GRIA1: variants seen among roughly 807,000 people sequenced by gnomAD.
GRIA1 encodes glutamate ionotropic receptor AMPA type subunit 1.
GRIA1 carries 31 observed loss-of-function variants against 99.2 expected under a neutral mutation model. The observed-to-expected ratio is 0.31, with a 90% confidence interval of 0.23 to 0.42. The LOEUF is 0.42. GRIA1 is among the 10% of genes least tolerant of loss of function. GRIA1 has a pLI of 1.00. For missense variants in GRIA1, 782 were observed against 1,157.5 expected (o/e 0.68, Z 4.71); for synonymous variants, 438 against 432.4 (o/e 1.01, Z -0.16).
intron 15 of GRIA1, among the ~76,000 whole-genome samples, chr5:153,808,652 C>A (rs894841348): frequency 5.9e-5 from 9 of 152,198 alleles, no homozygotes; most frequent in African/African-American, 2.2e-4. Context: ...TTCCCCAAAA[C>A]TCCCTGGATG....
intron 2 of GRIA1, among the ~76,000 whole-genome samples, chr5:153,618,665 G>T (rs974888634): frequency 5.3e-5 from 8 of 152,192 alleles, no homozygotes; most frequent in African/African-American, 1.9e-4. Context: ...CCCTAAGGGA[G>T]TTATAATATG....
At chr5:153,775,806 GGTGGAAGAATT>G (rs1381505706) in intron 13 of GRIA1, among the ~76,000 whole-genome samples, 4 of 149,934 alleles carry the variant, frequency 2.7e-5, no homozygotes, top group Non-Finnish European at 4.4e-5. Context: ...GATTTGCAAT[GGTGGAAGAATT>G]GTGGAAGAAT....
At chr5:153,659,315 A>G (rs545342569) in intron 5 of GRIA1, among the ~76,000 whole-genome samples, 1 of 152,334 alleles carries the variant, frequency 6.6e-6, no homozygotes, top group East Asian at 1.9e-4. Flanking sequence ...AGAGATATGT[A>G]TGTTTATTTC....
At chr5:153,624,950 T>G (rs1041560294) in intron 2 of GRIA1, among the ~76,000 whole-genome samples, 6 of 152,176 alleles carry the variant, frequency 3.9e-5, no homozygotes, top group African/African-American at 1.4e-4. Context: ...TTTTAATACA[T>G]TCAGGACTCA....
intron 2 of GRIA1, among the ~76,000 whole-genome samples, chr5:153,601,578 A>G (rs1764966564): frequency 6.6e-6 from 1 of 152,220 alleles, no homozygotes; most frequent in Non-Finnish European, 1.5e-5. Context: ...CAGAGCGGAA[A>G]ACACCTCTCT....
At chr5:153,724,872 A>G (rs925177286) in intron 11 of GRIA1, among the ~76,000 whole-genome samples, 3 of 152,072 alleles carry the variant, frequency 2.0e-5, no homozygotes, top group African/African-American at 4.8e-5. Context: ...GCAGGCCAAC[A>G]TTCAGATTCA....
intron 2 of GRIA1, among the ~76,000 whole-genome samples, chr5:153,602,733 C>G (rs1410705558): frequency 6.6e-6 from 1 of 152,070 alleles, no homozygotes; most frequent in Non-Finnish European, 1.5e-5. Context: ...GGCTACAGTT[C>G]CCACATCTCT....
intron 11 of GRIA1, among the ~76,000 whole-genome samples, chr5:153,749,232 C>T (rs560783068): frequency 6.6e-6 from 1 of 152,220 alleles, no homozygotes; most frequent in Admixed American, 6.5e-5. Context: ...CGTGTCTGTG[C>T]TAAGTGTGAG....
At position 153,542,643 on chromosome 5, in the gene GRIA1, G is replaced by A. The variant is rs1162930372; in HGVS notation, c.220+48578G>A. 2.0e-5 allele frequency among the ~76,000 whole-genome samples: 3 copies of A among 152,238 alleles called. No individual in the cohort carries two copies. In the East Asian group the frequency reaches 5.8e-4, roughly 29 times the overall value. The stretch of plus-strand genomic sequence containing the variant: ...GTTTACAGCAGATATACAGTGGAGT[G>A]AACTAGCAATCACAGAGTCTAGTCT... On this transcript the variant is annotated intron_variant, in intron 2 of 15. Coordinates refer to ENST00000285900, the MANE Select transcript of GRIA1 (RefSeq NM_000827.4).
At chr5:153,757,547 A>G (rs1187660764) in intron 11 of GRIA1, among the ~76,000 whole-genome samples, 1 of 152,218 alleles carries the variant, frequency 6.6e-6, no homozygotes, top group Non-Finnish European at 1.5e-5. Context: ...AAGCAGCAAG[A>G]GAAAAGAAGC....
intron 5 of GRIA1, among the ~76,000 whole-genome samples, chr5:153,672,504 A>C (rs1371174759): frequency 6.6e-6 from 1 of 152,118 alleles, no homozygotes; most frequent in Non-Finnish European, 1.5e-5. Context: ...CAGGGAAATC[A>C]CATTTCCAGG....
At chr5:153,549,362 C>G (rs1355123542) in intron 2 of GRIA1, among the ~76,000 whole-genome samples, 2 of 152,080 alleles carry the variant, frequency 1.3e-5, no homozygotes, top group East Asian at 3.9e-4. Flanking sequence ...CCTCCAAGAG[C>G]AGAAGCAGGG....
chr5:153,535,816 T>C (rs1038099342), intron 2 of GRIA1, among the ~76,000 whole-genome samples: 4 of 152,230 alleles, frequency 2.6e-5, no homozygotes, highest in Non-Finnish European at 5.9e-5. Flanking sequence ...CAAGAGACTT[T>C]TGATTCTTTT....
At chr5:153,601,891 G>T (rs1197505922) in intron 2 of GRIA1, among the ~76,000 whole-genome samples, 1 of 152,180 alleles carries the variant, frequency 6.6e-6, no homozygotes, top group African/African-American at 2.4e-5. Context: ...GTATTGGCCA[G>T]GAGATGCCTC....
intron 2 of GRIA1, among the ~76,000 whole-genome samples, chr5:153,552,552 A>G (rs563847943): frequency 2.3e-4 from 35 of 152,198 alleles, no homozygotes; most frequent in Non-Finnish European, 5.0e-4. Context: ...GGCTGCATCC[A>G]GTACCAATTA....
chr5:153,766,559 T>C (rs1395972990), intron 12 of GRIA1, among the ~76,000 whole-genome samples: 1 of 152,158 alleles, frequency 6.6e-6, no homozygotes, highest in Non-Finnish European at 1.5e-5. Context: ...AATTAAAACT[T>C]GGGAAATTCT....
intron 2 of GRIA1, among the ~76,000 whole-genome samples, chr5:153,596,899 G>A (rs549093824): frequency 2.6e-5 from 4 of 152,312 alleles, no homozygotes; most frequent in South Asian, 2.1e-4. Flanking sequence ...CCGGCAAGCC[G>A]GTGCTAGTGC....
intron 2 of GRIA1, among the ~76,000 whole-genome samples, chr5:153,589,805 G>T (rs183928314): frequency 1.3e-4 from 20 of 152,190 alleles, no homozygotes; most frequent in Admixed American, 1.1e-3. Flanking sequence ...GTAAAATAAT[G>T]CTGGGTGAGG....
In GRIA1 at chr5:153,654,510, AG is replaced by A. The variant is rs151161283; in HGVS notation, c.646-1308del. On this transcript the variant is annotated intron_variant, in intron 4 of 15. Transcript: ENST00000285900. ...AAACCATTTGACAAGCAGATGAAAAAGTAACGAAGAATTATTAATAAAACTA... is the reference window on the plus strand; with the variant it reads ...AAACCATTTGACAAGCAGATGAAAAATAACGAAGAATTATTAATAAAACTA... Among the ~76,000 whole-genome samples, 1,277 of 152,282 alleles carry A rather than the reference AG, an allele frequency of 8.4e-3. 20 individuals are homozygous for A. Among genetic ancestry groups the A allele is most frequent in the African/African-American group, 0.028 (1,181 of 41,572 alleles).
Sources: gnomAD v4.1 joint callset for allele counts (sites outside exome capture counted in the v4.1 genomes callset) on GRCh38, gnomAD v4.1.1 for gene constraint, MANE v1.5 for transcripts, NCBI Gene and HGNC (gene_info 2026-07-23, HGNC 2026-07-21) for gene names.